Variants in FBXL7 observed in about 807,000 individuals in gnomAD.
The protein encoded by FBXL7 is F-box/LRR-repeat protein 7.
FBXL7 carries 12 observed loss-of-function variants against 38.3 expected under a neutral mutation model. The ratio of observed to expected loss-of-function variants is 0.31; its 90% CI spans 0.20 to 0.51. FBXL7 has a LOEUF of 0.51. FBXL7 is among the 20% of genes least tolerant of loss of function. The probability of loss-of-function intolerance (pLI) is 0.98; values close to 1 mark genes in which losing one functional copy is unlikely to be tolerated. For missense variants in FBXL7, 567 were observed against 676.4 expected (o/e 0.84, Z 1.79); for synonymous variants, 297 against 300.9 (o/e 0.99, Z 0.13).
intron 1 of FBXL7, among the ~76,000 whole-genome samples, chr5:15,528,838 G>A (rs1419409149): frequency 6.6e-6 from 1 of 152,098 alleles, no homozygotes; most frequent in African/African-American, 2.4e-5. Flanking sequence ...GTATATATTC[G>A]TTGCATACAG....
At chr5:15,858,251 A>T (rs1739331094) in intron 2 of FBXL7, among the ~76,000 whole-genome samples, 1 of 150,482 alleles carries the variant, frequency 6.6e-6, no homozygotes, top group Non-Finnish European at 1.5e-5. Flanking sequence ...TATAATACAT[A>T]TTCAAAACTT....
At chr5:15,824,688 A>C (rs569722676) in intron 2 of FBXL7, among the ~76,000 whole-genome samples, 3 of 152,174 alleles carry the variant, frequency 2.0e-5, no homozygotes, top group Non-Finnish European at 4.4e-5. Flanking sequence ...AGCTTCCTTT[A>C]TCGGTTTTGC....
At chr5:15,917,702 A>AAAGGAAGG (rs374864814) in intron 2 of FBXL7, among the ~76,000 whole-genome samples, 2 of 123,304 alleles carry the variant, frequency 1.6e-5, no homozygotes, top group Non-Finnish European at 3.7e-5. Flanking sequence ...AGGAAGAAAG[A>AAAGGAAGG]AAGGAAGGAA....
At chr5:15,714,877 G>T (rs1305257159) in intron 2 of FBXL7, among the ~76,000 whole-genome samples, 1 of 150,922 alleles carries the variant, frequency 6.6e-6, no homozygotes, top group Non-Finnish European at 1.5e-5. Context: ...AAAGAGGCAG[G>T]AGTGTCGGAA....
chr5:15,578,532 T>C (rs532135218), intron 1 of FBXL7, among the ~76,000 whole-genome samples: 7 of 152,294 alleles, frequency 4.6e-5, no homozygotes, highest in African/African-American at 9.6e-5. Context: ...CCCATAGATA[T>C]GGCCTCAGGT....
chr5:15,502,294 C>CAA (rs1410103405), intron 1 of FBXL7, among the ~76,000 whole-genome samples: 1 of 147,762 alleles, frequency 6.8e-6, no homozygotes, highest in African/African-American at 2.5e-5. Flanking sequence ...TAATCCTCTG[C>CAA]AACTTGTTCT....
intron 1 of FBXL7, among the ~76,000 whole-genome samples, chr5:15,564,734 G>A (rs944392199): frequency 1.3e-5 from 2 of 151,892 alleles, no homozygotes; most frequent in Non-Finnish European, 2.9e-5. Context: ...GAAGGTTTCC[G>A]ACACTAAATC....
chr5:15,562,999 G>T (rs1187247083), intron 1 of FBXL7, among the ~76,000 whole-genome samples: 2 of 152,082 alleles, frequency 1.3e-5, no homozygotes, highest in Non-Finnish European at 2.9e-5. Context: ...TAGAAAGGAT[G>T]GTTGGGGAAA....
intron 2 of FBXL7, among the ~76,000 whole-genome samples, chr5:15,769,354 G>A (rs1401595268): frequency 1.3e-5 from 2 of 152,190 alleles, no homozygotes; most frequent in East Asian, 3.9e-4. Context: ...TGTGTGTGTT[G>A]TGGGCAGGAA....
intron 2 of FBXL7, among the ~76,000 whole-genome samples, chr5:15,656,669 A>G (rs1741892221): frequency 6.6e-6 from 1 of 152,102 alleles, no homozygotes; most frequent in Non-Finnish European, 1.5e-5. Flanking sequence ...ACCATATCAC[A>G]AGAAAACATT....
At chr5:15,839,224 T>C (rs1025793646) in intron 2 of FBXL7, among the ~76,000 whole-genome samples, 2 of 151,948 alleles carry the variant, frequency 1.3e-5, no homozygotes, top group Non-Finnish European at 2.9e-5. Context: ...TTCTTTGTCA[T>C]ACAAAGATTT....
intron 2 of FBXL7, among the ~76,000 whole-genome samples, chr5:15,774,811 C>G (rs1736818831): frequency 6.6e-6 from 1 of 152,142 alleles, no homozygotes; most frequent in African/African-American, 2.4e-5. Flanking sequence ...GTGGGTGCAT[C>G]TTTGGTTGTT....
intron 2 of FBXL7, among the ~76,000 whole-genome samples, chr5:15,678,344 C>G (rs1195609477): frequency 6.6e-6 from 1 of 152,172 alleles, no homozygotes; most frequent in Non-Finnish European, 1.5e-5. Context: ...AGATTTCTGA[C>G]TCTTCAGCCC....
intron 2 of FBXL7, among the ~76,000 whole-genome samples, chr5:15,709,851 TA>T (rs1210378339): frequency 2.0e-5 from 3 of 152,174 alleles, no homozygotes; most frequent in African/African-American, 7.2e-5. Flanking sequence ...TGTCTTCAGA[TA>T]GTGGAAAAGT....
At chr5:15,554,227 C>A (rs1296577554) in intron 1 of FBXL7, among the ~76,000 whole-genome samples, 1 of 152,160 alleles carries the variant, frequency 6.6e-6, no homozygotes, top group Non-Finnish European at 1.5e-5. Flanking sequence ...GAGGCATATT[C>A]TGTCTCAAGG....
At chr5:15,643,553 A>G (rs1436057443) in intron 2 of FBXL7, among the ~76,000 whole-genome samples, 2 of 152,082 alleles carry the variant, frequency 1.3e-5, no homozygotes, top group Non-Finnish European at 2.9e-5. Context: ...CCAGGGTTGG[A>G]AATGTGGGTG....
intron 1 of FBXL7, among the ~76,000 whole-genome samples, chr5:15,609,395 A>AT (rs1561049902): frequency 1.3e-5 from 2 of 152,200 alleles, no homozygotes; most frequent in African/African-American, 4.8e-5. Flanking sequence ...TTGTGGACAT[A>AT]TTTTAAAACC....
intron 2 of FBXL7, among the ~76,000 whole-genome samples, chr5:15,731,785 A>G (rs1437326453): frequency 6.6e-6 from 1 of 152,080 alleles, no homozygotes; most frequent in Non-Finnish European, 1.5e-5. Context: ...TGAATCCCCG[A>G]GTGTGCTTAG....
At chr5:15,544,443 A>G (rs1016706717) in intron 1 of FBXL7, among the ~76,000 whole-genome samples, 1 of 152,132 alleles carries the variant, frequency 6.6e-6, no homozygotes, top group African/African-American at 2.4e-5. Context: ...ATTATTTCAT[A>G]TGGCCATTTT....
Sources: gnomAD v4.1 joint callset for allele counts (sites outside exome capture counted in the v4.1 genomes callset) on GRCh38, gnomAD v4.1.1 for gene constraint, MANE v1.5 for transcripts, NCBI Gene and HGNC (gene_info 2026-07-23, HGNC 2026-07-21) for gene names.